The following TENM3 variants were observed in gnomAD, a reference collection of about 807,000 sequenced individuals.
The protein encoded by TENM3 is teneurin-3.
TENM3 carries 63 observed loss-of-function variants against 255.1 expected under a neutral mutation model. That is an observed-to-expected ratio of 0.25 (90% CI 0.20 to 0.30). The LOEUF is 0.30. TENM3 is among the 10% of genes least tolerant of loss of function. The pLI is 1.00. For missense variants in TENM3, 2,929 were observed against 3,461.1 expected (o/e 0.85, Z 3.86); for synonymous variants, 1,306 against 1,322.3 (o/e 0.99, Z 0.27).
At chr4:181,935,804 C>T in the TENM3 span, among the ~76,000 whole-genome samples, 3 of 152,164 alleles carry the variant, frequency 2.0e-5, no homozygotes, top group Non-Finnish European at 2.9e-5. Flanking sequence ...TTTCTTGAAG[C>T]GCACTCTACC....
chr4:182,176,392 C>G (rs1457674635), intron 1 of TENM3, among the ~76,000 whole-genome samples: 2 of 152,128 alleles, frequency 1.3e-5, no homozygotes, highest in African/African-American at 2.4e-5. Context: ...TTGCTTACCT[C>G]ATAGATTTGT....
intron 10 of TENM3, 56 bp from the exon 11 acceptor site, chr4:182,681,758 T>G: frequency 8.0e-7 from 1 of 1,250,160 alleles, no homozygotes; most frequent in Non-Finnish European, 1.1e-6. Context: ...TTCTTTTTTC[T>G]GCATGCACTA....
chr4:182,023,942 G>A, the TENM3 span, among the ~76,000 whole-genome samples: 1 of 152,200 alleles, frequency 6.6e-6, no homozygotes, highest in Non-Finnish European at 1.5e-5. Flanking sequence ...GTAAAATAAA[G>A]GGACTTTCTC....
At chr4:182,001,665 A>G in the TENM3 span, among the ~76,000 whole-genome samples, 2 of 152,150 alleles carry the variant, frequency 1.3e-5, no homozygotes, top group Non-Finnish European at 1.5e-5. Context: ...CAGGTACTTG[A>G]GGAGCGACTT....
chr4:181,931,538 A>T, the TENM3 span, among the ~76,000 whole-genome samples: 4 of 152,236 alleles, frequency 2.6e-5, no homozygotes, highest in African/African-American at 9.6e-5. Context: ...ATGGAAAAAC[A>T]TTCCATGCTC....
chr4:182,773,923 G>T, intron 23 of TENM3: 1 of 258,064 alleles, frequency 3.9e-6, no homozygotes, highest in Non-Finnish European at 7.3e-6. Flanking sequence ...TGCATCATCA[G>T]GCGATTTTTG....
At chr4:182,783,101 A>G (rs1359829954) in intron 24 of TENM3, among the ~76,000 whole-genome samples, 1 of 151,436 alleles carries the variant, frequency 6.6e-6, no homozygotes, top group South Asian at 2.1e-4. Context: ...TGTCATTATG[A>G]TGTTAGCTGG....
chr4:181,919,932 G>A, the TENM3 span, among the ~76,000 whole-genome samples: 1 of 128,626 alleles, frequency 7.8e-6, no homozygotes, highest in Non-Finnish European at 1.5e-5. Context: ...CCCTTCCTGT[G>A]TCCATGTGTT....
the TENM3 span, among the ~76,000 whole-genome samples, chr4:182,073,228 T>C: frequency 2.0e-5 from 3 of 152,284 alleles, no homozygotes; most frequent in East Asian, 5.8e-4. Context: ...TGCCAGGTGC[T>C]TAAACCATCA....
the TENM3 span, among the ~76,000 whole-genome samples, chr4:181,686,037 C>T: frequency 0.01 from 1,573 of 152,272 alleles, 29 homozygotes; most frequent in African/African-American, 0.036. Context: ...ATCATCAAAT[C>T]GGATCAGTAT....
rs4475184 is a variant in TENM3, at chr4:182,668,204, C to T, written c.1112-4801C>T. The stretch of plus-strand genomic sequence containing the variant: ...GTGTCTTCAATAAAAGAGGCTTCAC[C>T]ACCACAATACTTTTAATTTTGCCTT... On this transcript the variant is annotated intron_variant, in intron 6 of 27. Coordinates refer to ENST00000511685, the MANE Select transcript of TENM3 (RefSeq NM_001080477.4). 6.1e-3 allele frequency among the ~76,000 whole-genome samples: 929 copies of T among 152,166 alleles called. 10 individuals carry two copies. Among genetic ancestry groups the T allele is most frequent in the African/African-American group, 0.021 (881 of 41,494 alleles).
At chr4:181,744,175 T>TAA in the TENM3 span, among the ~76,000 whole-genome samples, 1 of 152,236 alleles carries the variant, frequency 6.6e-6, no homozygotes, top group Admixed American at 6.5e-5. Flanking sequence ...TATGGCTGCA[T>TAA]AGTATTCCAT....
At chr4:182,342,805 GGTAGAAT>G in intron 2 of TENM3, among the ~76,000 whole-genome samples, 1 of 152,062 alleles carries the variant, frequency 6.6e-6, no homozygotes, top group African/African-American at 2.4e-5. Flanking sequence ...TAGTCCCTCG[GGTAGAAT>G]CTGTTTCTCA....
At chr4:181,949,083 G>C in the TENM3 span, among the ~76,000 whole-genome samples, 1 of 150,354 alleles carries the variant, frequency 6.7e-6, no homozygotes, top group Admixed American at 6.6e-5. Flanking sequence ...GCCAGACGTA[G>C]AAAAAAATTA....
chr4:181,648,767 C>T, the TENM3 span, among the ~76,000 whole-genome samples: 1 of 152,084 alleles, frequency 6.6e-6, no homozygotes, highest in Non-Finnish European at 1.5e-5. Context: ...TATGTGGTGC[C>T]CATCCCAAAT....
In TENM3 at chr4:182,478,176, T is replaced by C. The variant is rs187560639; in HGVS notation, c.512-122748T>C. ...ACTTTTGTAATTGAGGTAATAATCC[T>C]CATTTGTAGTGTTGAAAATATTATT... is the stretch of plus-strand genomic sequence containing the variant. On this transcript the variant is annotated intron_variant, in intron 3 of 27. Coordinates refer to ENST00000511685, the MANE Select transcript of TENM3 (RefSeq NM_001080477.4). Among the ~76,000 whole-genome samples the C allele has an allele frequency of 1.7e-4, 26 of 152,254 alleles. 1 individual carries two copies. In the East Asian group the frequency reaches 3.7e-3, roughly 21 times the overall value.
the TENM3 span, among the ~76,000 whole-genome samples, chr4:182,050,272 C>T: frequency 1.3e-5 from 2 of 152,006 alleles, no homozygotes; most frequent in Non-Finnish European, 2.9e-5. Flanking sequence ...GGATTACAGG[C>T]GTGAGCCACC....
At chr4:181,875,627 C>T in the TENM3 span, among the ~76,000 whole-genome samples, 3 of 152,082 alleles carry the variant, frequency 2.0e-5, no homozygotes, top group Non-Finnish European at 2.9e-5. Flanking sequence ...AGTCAAAAGA[C>T]GACAACACAT....
At chr4:182,470,012 A>G (rs568392967) in intron 3 of TENM3, among the ~76,000 whole-genome samples, 2 of 152,208 alleles carry the variant, frequency 1.3e-5, no homozygotes, top group Non-Finnish European at 2.9e-5. Context: ...AGAAATGAGT[A>G]ATGAAATCAT....
Sources: gnomAD v4.1 joint callset for allele counts (sites outside exome capture counted in the v4.1 genomes callset) on GRCh38, gnomAD v4.1.1 for gene constraint, MANE v1.5 for transcripts, NCBI Gene and HGNC (gene_info 2026-07-23, HGNC 2026-07-21) for gene names.